The following ZBED6 variants were observed in gnomAD, a reference collection of about 807,000 sequenced individuals.
ZBED6 encodes zinc finger BED-type containing 6, also known as zinc finger BED domain-containing protein 6.
A neutral mutation model predicts 58.4 loss-of-function variants in ZBED6; 40 were observed. That is an observed-to-expected ratio of 0.68 (90% confidence interval 0.53 to 0.89). The LOEUF (loss-of-function observed/expected upper bound fraction) is 0.89. Among genes scored for constraint, ZBED6 ranks in the 40% least tolerant of loss-of-function variants. The pLI is 0.00. For synonymous variants in ZBED6, 439 were observed against 350.6 expected (o/e 1.25, Z -2.82); for missense variants, 1,057 against 1,003.9 (o/e 1.05, Z -0.71).
chr1:203,818,212 T>A (rs942190789), intron 2 of ZBED6, among the ~76,000 whole-genome samples: 1 of 152,098 alleles, frequency 6.6e-6, no homozygotes, highest in African/African-American at 2.4e-5. Context: ...AAATTCTATT[T>A]ACTTTCTGAT....
rs774804527 is a variant in ZBED6 at position 203,799,924 on chromosome 1, A to G, written c.2402A>G (p.Asn801Ser). 102 of 1,536,016 alleles carry G rather than the reference A, an allele frequency of 6.6e-5. No individual in the cohort carries two copies. Among genetic ancestry groups the G allele is most frequent in the Non-Finnish European group, 7.9e-5 (91 of 1,146,892 alleles). The change falls in exon 1 of 17, where the codon AAT becomes AGT. Residue 801 changes from asparagine (N) to serine (S), a missense_variant. Coordinates refer to ENST00000550078, the Ensembl canonical transcript of ZBED6. ...CAGTTCCTTGCAGAAGAGGTCTGTA[A>G]TTATATGGAATCTTCACCAGAGATC...
At chr1:203,843,958 A>G (rs1352220046) in intron 11 of ZBED6, among the ~76,000 whole-genome samples, 4 of 151,862 alleles carry the variant, frequency 2.6e-5, no homozygotes, top group Admixed American at 1.3e-4. Flanking sequence ...CCCAGGTTCA[A>G]GTGATTCTCC....
At chr1:203,805,982 G>T in intron 1 of ZBED6, 1 of 587,610 alleles carries the variant, frequency 1.7e-6, no homozygotes, top group South Asian at 1.5e-5. Flanking sequence ...TTCAATGACT[G>T]GATGGTGTAA....
chr1:203,814,595 C>G (rs915377485), intron 1 of ZBED6, among the ~76,000 whole-genome samples: 2 of 152,152 alleles, frequency 1.3e-5, no homozygotes, highest in Non-Finnish European at 2.9e-5. Context: ...TGAAACCTCA[C>G]CATAAGTACC....
chr1:203,831,535 C>T (rs111549977), intron 7 of ZBED6, 126 bp from the exon 8 acceptor site: 1 of 711,698 alleles, frequency 1.4e-6, no homozygotes, highest in East Asian at 2.7e-5. Flanking sequence ...TACAGAAAGG[C>T]TGATTGGCTT....
intron 7 of ZBED6, 54 bp from the exon 8 acceptor site, chr1:203,831,607 G>T (rs2275325): frequency 9.3e-6 from 14 of 1,505,538 alleles, no homozygotes; most frequent in Middle Eastern, 2.3e-4. Context: ...TTTTGACTTG[G>T]GATAGCATTA....
chr1:203,844,633 C>G (rs1687378627), intron 11 of ZBED6, among the ~76,000 whole-genome samples: 1 of 152,008 alleles, frequency 6.6e-6, no homozygotes, highest in African/African-American at 2.4e-5. Context: ...TTTAAAGACC[C>G]TTTCCCCAAG....
At chr1:203,819,561 T>A (rs1677755366) in intron 3 of ZBED6, among the ~76,000 whole-genome samples, 2 of 126,672 alleles carry the variant, frequency 1.6e-5, no homozygotes, top group Non-Finnish European at 1.7e-5. Flanking sequence ...TGAGACAGAG[T>A]TTTGCTCTTG....
intron 1 of ZBED6, among the ~76,000 whole-genome samples, chr1:203,805,401 G>C (rs1671983132): frequency 6.6e-6 from 1 of 152,062 alleles, no homozygotes; most frequent in African/African-American, 2.4e-5. Context: ...AAAGTGCTGG[G>C]ATTACAGGTG....
rs2103041836 is a variant in ZBED6 at position 203,831,649 on chromosome 1, T to G, written c.*3400-12T>G. 6.2e-7 allele frequency: 1 copy of G among 1,605,562 alleles called. No individual in the cohort carries two copies. The highest frequency in any genetic ancestry group is 1.1e-5 in the South Asian group (1 of 89,710). ...ATAAATTATTTGCTGTTCTTTGACT[T>G]GCCTTATTCAGAGGGTTCTTCAGGA... On this transcript the variant is annotated splice_polypyrimidine_tract_variant and intron_variant, in intron 7 of 16. Coordinates refer to ENST00000550078, the Ensembl canonical transcript of ZBED6.
At chr1:203,816,782 G>A (rs1406780986) in intron 1 of ZBED6, 144 bp from the exon 2 acceptor site, 9 of 293,414 alleles carry the variant, frequency 3.1e-5, no homozygotes, top group Middle Eastern at 9.7e-4. Context: ...TACAGTATTC[G>A]CAATCAGTGT....
chr1:203,828,336 A>G, exon 4 of ZBED6: 1 of 1,614,132 alleles, frequency 6.2e-7, no homozygotes, highest in Non-Finnish European at 8.5e-7. Context: ...TGGGAAAATC[A>G]GCCAACAGGA....
intron 3 of ZBED6, 93 bp downstream of exon 3, chr1:203,818,782 T>G: frequency 6.3e-7 from 1 of 1,581,004 alleles, no homozygotes; most frequent in East Asian, 2.3e-5. Flanking sequence ...TTAAAAAATA[T>G]ATTAAGGCTG....
Position 203,799,313 on chromosome 1 carries a change from C to A in ZBED6, c.1791C>A (p.Cys597Ter). 1.4e-6 allele frequency: 1 copy of A among 711,560 alleles called. No homozygotes were observed. The highest frequency in any genetic ancestry group is 2.5e-6 in the Non-Finnish European group (1 of 392,922). 44.1% of individuals were successfully genotyped at this position (711,560 alleles called of 1,614,324 possible). A position where few individuals can be genotyped will look rare whatever the true frequency, so the allele number is the denominator to read the frequency against. The change falls in exon 1 of 17, where the codon TGC becomes TGA. Residue 597 changes from cysteine (C) to a stop codon, truncating the protein, a stop_gained. Coordinates refer to ENST00000550078, the Ensembl canonical transcript of ZBED6. LOFTEE classifies it high-confidence loss of function. Reference sequence around the variant, plus strand: ...ATATGGTCATTCAGGACTTTTTCTGCGAGCACAAAAGCATTGAGAATATGT... The same window carrying A: ...ATATGGTCATTCAGGACTTTTTCTGAGAGCACAAAAGCATTGAGAATATGT...
At position 203,841,481 on chromosome 1, in the gene ZBED6, T is replaced by C. The variant is rs1384845138; in HGVS notation, c.*3741+1107T>C. On this transcript the variant is annotated intron_variant, in intron 11 of 16. Coordinates refer to ENST00000550078, the Ensembl canonical transcript of ZBED6. The stretch of plus-strand genomic sequence containing the variant: ...GAGCACGGGGTTGGGAGTAAAGTTA[T>C]AGATTAACAGCATCCCAAGGCAGAA... Among the ~76,000 whole-genome samples, 6 of 152,252 alleles carry C rather than the reference T, an allele frequency of 3.9e-5. No individual in the cohort carries two copies. In the East Asian group the frequency reaches 9.6e-4, roughly 24 times the overall value.
At chr1:203,803,738 T>C (rs1671242867) in intron 1 of ZBED6, among the ~76,000 whole-genome samples, 2 of 152,140 alleles carry the variant, frequency 1.3e-5, no homozygotes, top group Admixed American at 1.3e-4. Flanking sequence ...CCTGAGTAGC[T>C]GGAACTACAG....
At chr1:203,841,602 A>G (rs1008761413) in intron 11 of ZBED6, among the ~76,000 whole-genome samples, 11 of 152,064 alleles carry the variant, frequency 7.2e-5, no homozygotes, top group Admixed American at 1.3e-4. Flanking sequence ...TTTTCCCCAC[A>G]TTTCCCCGTT....
At chr1:203,835,703 G>A (rs1369245579) in intron 9 of ZBED6, 5 of 254,144 alleles carry the variant, frequency 2.0e-5, no homozygotes, top group Non-Finnish European at 4.2e-5. Flanking sequence ...CCTTTCCCCA[G>A]ATGACTCTGG....
In ZBED6 at chr1:203,817,217, A is replaced by G. The variant is rs1305451527; in HGVS notation, c.*2753+93A>G. 1.6e-5 allele frequency: 17 copies of G among 1,073,148 alleles called. 1 individual carries two copies. Among genetic ancestry groups the G allele is most frequent in the African/African-American group, 1.0e-4 (6 of 60,166 alleles). The allele number at this position is 1,073,148 out of a possible 1,614,324, so 66.5% of individuals were successfully genotyped here. The stretch of plus-strand genomic sequence containing the variant: ...CAACATTTTAAGTTGTTTTTATTAT[A>G]TATATATTTTTTGCCCAACTTTATT... On this transcript the variant is annotated intron_variant, in intron 2 of 16. Transcript: ENST00000550078.
Sources: allele counts gnomAD v4.1 joint callset (sites outside exome capture counted in the v4.1 genomes callset), GRCh38; gene constraint gnomAD v4.1.1; transcripts MANE v1.5; gene names NCBI Gene and HGNC (gene_info 2026-07-23, HGNC 2026-07-21).